The following OPRD1 variants were observed in gnomAD, a reference collection of about 807,000 sequenced individuals.
The protein encoded by OPRD1 is delta-type opioid receptor.
A neutral mutation model predicts 17.5 loss-of-function variants in OPRD1; 19 were observed. The ratio of observed to expected loss-of-function variants is 1.09; its 90% CI spans 0.76 to 1.60. The LOEUF (loss-of-function observed/expected upper bound fraction) is 1.60, where lower values mean the gene tolerates loss of function less well. Among genes scored for constraint, OPRD1 ranks in the 40% most tolerant of loss-of-function variants. The pLI, the probability that OPRD1 is intolerant of heterozygous loss-of-function variation, is 0.00. For synonymous variants in OPRD1, 256 were observed against 240.9 expected, an observed-to-expected ratio of 1.06 and a Z score of -0.58; for missense variants, 483 against 547.2, an observed-to-expected ratio of 0.88 and a Z score of 1.17.
At chr1:28,846,682 C>CAAAAAAAGAAA (rs2088946394) in intron 1 of OPRD1, among the ~76,000 whole-genome samples, 2 of 85,154 alleles carry the variant, frequency 2.3e-5, no homozygotes, top group African/African-American at 8.1e-5. Context: ...GACTCTGTCT[C>CAAAAAAAGAAA]AAAAAAAGAA....
intron 1 of OPRD1, among the ~76,000 whole-genome samples, chr1:28,854,448 C>A (rs1302713962): frequency 6.6e-6 from 1 of 151,986 alleles, no homozygotes; most frequent in Admixed American, 6.5e-5. Flanking sequence ...TCTCAAACTC[C>A]TGGGCTCAAG....
chr1:28,813,014 G>C (rs1403117922), intron 1 of OPRD1, among the ~76,000 whole-genome samples: 1 of 152,152 alleles, frequency 6.6e-6, no homozygotes, highest in Non-Finnish European at 1.5e-5. Flanking sequence ...AGGTGCCGCG[G>C]GCCTTTGGGG....
intron 1 of OPRD1, among the ~76,000 whole-genome samples, chr1:28,845,518 A>AGTT (rs568487849): frequency 2.6e-5 from 4 of 151,656 alleles, no homozygotes; most frequent in African/African-American, 7.3e-5. Context: ...AACTTAATGT[A>AGTT]GTTGTTGTTG....
rs1337082110 is a variant in OPRD1 at position 28,870,741 on chromosome 1, A to G, written c.*7458A>G. The G allele has an allele frequency of 6.6e-6, 1 of 152,218 alleles. No individual in the cohort carries two copies. The highest frequency in any genetic ancestry group is 1.9e-4 in the East Asian group (1 of 5,194). 9.4% of individuals were successfully genotyped at this position (152,218 alleles called of 1,614,324 possible). A position where few individuals can be genotyped will look rare whatever the true frequency, so the allele number is the denominator to read the frequency against. ...CCTCTCAGGGACCCAAGAGGAAGGG[A>G]CAGCCTGGAAAGGAAGAAGGTCCCG... On this transcript the variant is annotated 3_prime_UTR_variant, in exon 3 of 3. Coordinates refer to ENST00000234961, the MANE Select transcript of OPRD1 (RefSeq NM_000911.4).
intron 1 of OPRD1, among the ~76,000 whole-genome samples, chr1:28,854,545 C>T (rs1327106419): frequency 1.3e-5 from 2 of 152,056 alleles, no homozygotes; most frequent in Non-Finnish European, 2.9e-5. Flanking sequence ...GAGTGAGCCG[C>T]CAACTTACGT....
At chr1:28,814,669 G>T (rs2088659598) in intron 1 of OPRD1, among the ~76,000 whole-genome samples, 1 of 152,182 alleles carries the variant, frequency 6.6e-6, no homozygotes, top group Admixed American at 6.5e-5. Flanking sequence ...TGAGCAAGGG[G>T]AGGGGACTCC....
rs376555355 is a variant in OPRD1, at chr1:28,846,866, CTT to C, written c.228-12086_228-12085del. 2.2e-3 allele frequency among the ~76,000 whole-genome samples: 118 copies of C among 54,560 alleles called. 1 individual carries two copies. In the South Asian group the frequency reaches 0.091, roughly 42 times the overall value. The allele number at this position is 54,560 out of a possible 152,430, so 35.8% of individuals were successfully genotyped here. A position where few individuals can be genotyped will look rare whatever the true frequency, so the allele number is the denominator to read the frequency against. On this transcript the variant is annotated intron_variant, in intron 1 of 2. Transcript: ENST00000234961. ...CTTTCTTTTCTTTCTTTCTTTCTTTCTTTCTTTCTTTCTTTCTTTCTTTCTTT... is the reference window on the plus strand; with the variant it reads ...CTTTCTTTTCTTTCTTTCTTTCTTTCTCTTTCTTTCTTTCTTTCTTTCTTT...
At chr1:28,813,235 G>T (rs765546646) in intron 1 of OPRD1, among the ~76,000 whole-genome samples, 12 of 152,216 alleles carry the variant, frequency 7.9e-5, no homozygotes, top group Non-Finnish European at 1.3e-4. Context: ...CAGAGCATCC[G>T]GAGTGGCCGT....
chr1:28,866,753 G>T lies in OPRD1; in HGVS notation c.*3470G>T. 6.6e-6 allele frequency: 1 copy of T among 152,322 alleles called. No homozygotes were observed. 9.4% of individuals were successfully genotyped at this position (152,322 alleles called of 1,614,324 possible). Reference sequence around the variant, plus strand: ...AAATGGAAAAATCTAAAGGAAACGAGCAATTTTCCATGAACTTTTGTTCCT... The same window carrying T: ...AAATGGAAAAATCTAAAGGAAACGATCAATTTTCCATGAACTTTTGTTCCT... On this transcript the variant is annotated 3_prime_UTR_variant, in exon 3 of 3. Coordinates refer to ENST00000234961, the MANE Select transcript of OPRD1 (RefSeq NM_000911.4).
chr1:28,833,725 T>TGGTAC (rs957188406), intron 1 of OPRD1, among the ~76,000 whole-genome samples: 3 of 152,166 alleles, frequency 2.0e-5, no homozygotes, highest in African/African-American at 7.2e-5. Context: ...GCTTGAGTCC[T>TGGTAC]GGTACTACAA....
At chr1:28,839,299 G>A (rs2088877332) in intron 1 of OPRD1, among the ~76,000 whole-genome samples, 1 of 151,916 alleles carries the variant, frequency 6.6e-6, no homozygotes, top group Non-Finnish European at 1.5e-5. Flanking sequence ...CTCTTCACAC[G>A]GCCCTCTCCT....
At chr1:28,858,896 T>TGAAACTGAAA (rs2089083417) in intron 1 of OPRD1, 58 bp from the exon 2 acceptor site, 3 of 1,513,582 alleles carry the variant, frequency 2.0e-6, no homozygotes, top group Non-Finnish European at 2.7e-6. Flanking sequence ...TTCCTTGAGT[T>TGAAACTGAAA]TCATGTGAAA....
chr1:28,862,753 G>T lies in OPRD1; in HGVS notation c.589G>T (p.Val197Leu). The T allele has an allele frequency of 6.2e-7, 1 of 1,608,626 alleles. No individual in the cohort carries two copies. Reference sequence around the variant, plus strand: ...TTTCCGCGGCCCAGACGGGGCAGTGGTGTGCATGCTCCAGTTCCCCAGCCC... The same window carrying T: ...TTTCCGCGGCCCAGACGGGGCAGTGTTGTGCATGCTCCAGTTCCCCAGCCC... ...AVTRPRDGAV[V>L]CMLQFPSPSW... is the part of the protein sequence containing the mutation. The change falls in exon 3 of 3, where the codon GTG becomes TTG. Residue 197 changes from valine (V) to leucine (L), a missense_variant. By Grantham distance (32) the Val-to-Leu change is conservative. Transcript: ENST00000234961.
intron 1 of OPRD1, among the ~76,000 whole-genome samples, chr1:28,854,769 C>T (rs2089039437): frequency 6.6e-6 from 1 of 152,066 alleles, no homozygotes; most frequent in Non-Finnish European, 1.5e-5. Context: ...TCTTCTGTCT[C>T]AGCCTCCTAA....
intron 1 of OPRD1, among the ~76,000 whole-genome samples, chr1:28,834,131 C>T (rs2236858): frequency 0.39 from 58,767 of 151,860 alleles, 12,240 homozygotes; most frequent in African/African-American, 0.54. Context: ...AGTTTGGTAT[C>T]GAACTCCTGA....
rs1181131114 is a variant in OPRD1, at chr1:28,870,554, TC to T, written c.*7272del. On this transcript the variant is annotated 3_prime_UTR_variant, in exon 3 of 3. Transcript: ENST00000234961. ...CACCGTGCCCAGCCCAACCCATGGT[TC>T]TTAATGCTGCAGGTGGGTCCGGAGA... 6.6e-6 allele frequency: 1 copy of T among 152,344 alleles called. No individual in the cohort carries two copies. Among genetic ancestry groups the T allele is most frequent in the African/African-American group, 2.4e-5 (1 of 41,454 alleles). 9.4% of individuals were successfully genotyped at this position (152,344 alleles called of 1,614,324 possible). A position where few individuals can be genotyped will look rare whatever the true frequency, so the allele number is the denominator to read the frequency against.
At chr1:28,820,631 G>A (rs2088705318) in intron 1 of OPRD1, among the ~76,000 whole-genome samples, 1 of 151,994 alleles carries the variant, frequency 6.6e-6, no homozygotes, top group African/African-American at 2.4e-5. Context: ...TTCGAGACCA[G>A]CCCGAACAAT....
intron 1 of OPRD1, among the ~76,000 whole-genome samples, chr1:28,819,057 C>T (rs1349089265): frequency 6.6e-6 from 1 of 150,646 alleles, no homozygotes; most frequent in Non-Finnish European, 1.5e-5. Context: ...GGGAGGGGCT[C>T]AATGTGGGGA....
At chr1:28,822,977 T>G (rs2088728857) in intron 1 of OPRD1, among the ~76,000 whole-genome samples, 1 of 151,772 alleles carries the variant, frequency 6.6e-6, no homozygotes, top group African/African-American at 2.4e-5. Context: ...GGGATAATCG[T>G]GGGGGTAGAG....
Sources: gnomAD v4.1 joint callset for allele counts (sites outside exome capture counted in the v4.1 genomes callset) on GRCh38, gnomAD v4.1.1 for gene constraint, MANE v1.5 for transcripts, NCBI Gene and HGNC (gene_info 2026-07-23, HGNC 2026-07-21) for gene names.